Variants in ROBO2 observed in about 807,000 individuals in gnomAD.
ROBO2 encodes roundabout guidance receptor 2, also known as roundabout homolog 2.
Under a neutral mutation model 160.8 loss-of-function variants are expected in ROBO2, and 53 were observed. The ratio of observed to expected loss-of-function variants is 0.33; its 90% CI spans 0.26 to 0.41. The LOEUF (loss-of-function observed/expected upper bound fraction) is 0.41, where lower values mean the gene tolerates loss of function less well. ROBO2 is among the 10% of genes least tolerant of loss of function. The probability of loss-of-function intolerance (pLI) is 1.00; values close to 1 mark genes in which losing one functional copy is unlikely to be tolerated. For synonymous variants in ROBO2, 664 were observed against 611.7 expected, an observed-to-expected ratio of 1.09 and a Z score of -1.26; for missense variants, 1,577 against 1,722.4, an observed-to-expected ratio of 0.92 and a Z score of 1.49.
intron 2 of ROBO2, among the ~76,000 whole-genome samples, chr3:76,890,445 G>C (rs2074259944): frequency 6.6e-6 from 1 of 152,054 alleles, no homozygotes; most frequent in South Asian, 2.1e-4. Context: ...TAGTTTCAAA[G>C]TGGCAATATC....
chr3:76,194,424 T>C lies in ROBO2; in HGVS notation c.109+256822T>C, dbSNP rs377290519. 3.8e-3 allele frequency among the ~76,000 whole-genome samples: 560 copies of C among 145,618 alleles called. 3 individuals are homozygous for C. The highest frequency in any genetic ancestry group is 0.013 in the African/African-American group (529 of 40,098). On this transcript the variant is annotated intron_variant, in intron 2 of 26. Transcript: ENST00000487694. ...AGCTGGACTTGTTCACTGGTAATCT[T>C]TATTTGGATTATATTTTATGAGTGC... is the stretch of plus-strand genomic sequence containing the variant.
intron 2 of ROBO2, among the ~76,000 whole-genome samples, chr3:77,411,348 C>T (rs929011062): frequency 2.6e-5 from 4 of 152,152 alleles, no homozygotes; most frequent in African/African-American, 9.7e-5. Flanking sequence ...ATGCTTGAAG[C>T]CTTCAACCCA....
chr3:77,288,023 G>C (rs571262667), intron 2 of ROBO2, among the ~76,000 whole-genome samples: 6 of 152,144 alleles, frequency 3.9e-5, no homozygotes, highest in Non-Finnish European at 8.8e-5. Context: ...TCAGTGTACA[G>C]TAATTTAGGT....
chr3:76,424,579 A>T (rs1219810235), intron 2 of ROBO2, among the ~76,000 whole-genome samples: 1 of 152,178 alleles, frequency 6.6e-6, no homozygotes, highest in Non-Finnish European at 1.5e-5. Flanking sequence ...ATCTGAAGAG[A>T]TACTTTATAG....
At chr3:76,443,153 TA>T (rs1176267141) in intron 2 of ROBO2, among the ~76,000 whole-genome samples, 2 of 151,962 alleles carry the variant, frequency 1.3e-5, no homozygotes, top group Non-Finnish European at 2.9e-5. Context: ...AGGATCATTT[TA>T]ACATTCAGTT....
rs1050939727 is a variant in ROBO2, at chr3:76,081,837, T to C, written c.109+144235T>C. 1.8e-3 allele frequency among the ~76,000 whole-genome samples: 269 copies of C among 148,072 alleles called. 1 individual carries two copies. Among genetic ancestry groups the C allele is most frequent in the African/African-American group, 6.2e-3 (251 of 40,676 alleles). ...ATACAAAATGGCACATGTAAATACA[T>C]ACACACACACACACACACACACACC... On this transcript the variant is annotated intron_variant, in intron 2 of 26. Coordinates refer to the ROBO2 transcript ENST00000487694.
intron 2 of ROBO2, among the ~76,000 whole-genome samples, chr3:76,500,436 T>C (rs943488777): frequency 1.3e-5 from 2 of 152,088 alleles, no homozygotes; most frequent in Admixed American, 1.3e-4. Flanking sequence ...TAAAGGAAAA[T>C]ATGGAATGTA....
Position 76,539,787 on chromosome 3 carries a change from A to G in ROBO2, c.110-558227A>G, listed in dbSNP as rs140860910. On this transcript the variant is annotated intron_variant, in intron 2 of 26. Transcript: ENST00000487694. ...AAACTTAACCCACAAAAATTTCCTGACAGAGTGTCAGTAATCAGACCAGTG... is the reference window on the plus strand; with the variant it reads ...AAACTTAACCCACAAAAATTTCCTGGCAGAGTGTCAGTAATCAGACCAGTG... Among the ~76,000 whole-genome samples, 1,402 of 152,304 alleles carry G rather than the reference A, an allele frequency of 9.2e-3. 21 individuals are homozygous for G. The highest frequency in any genetic ancestry group is 0.027 in the African/African-American group (1,136 of 41,558).
At chr3:76,402,070 C>T (rs1038966450) in intron 2 of ROBO2, among the ~76,000 whole-genome samples, 4 of 151,528 alleles carry the variant, frequency 2.6e-5, no homozygotes, top group African/African-American at 9.7e-5. Context: ...AAATGCTGAG[C>T]TGAATATACC....
chr3:76,143,170 G>C (rs1486890748), intron 2 of ROBO2, among the ~76,000 whole-genome samples: 1 of 151,858 alleles, frequency 6.6e-6, no homozygotes, highest in African/African-American at 2.4e-5. Flanking sequence ...GGGACTATAC[G>C]CATGCACCAC....
rs968258441 is a variant in ROBO2, at chr3:75,958,250, A to G, written c.109+20648A>G. 6.6e-5 allele frequency among the ~76,000 whole-genome samples: 10 copies of G among 151,884 alleles called. No homozygotes were observed. The East Asian group carries it at 1.2e-3, about 18-fold the overall frequency. ...ACTCAAGATCTTATTCACACATACA[A>G]TATGCTCAGATAACTTATTTTTATT... On this transcript the variant is annotated intron_variant, in intron 2 of 26. Transcript: ENST00000487694.
At chr3:77,425,739 A>G (rs1259588389) in intron 2 of ROBO2, among the ~76,000 whole-genome samples, 1 of 149,402 alleles carries the variant, frequency 6.7e-6, no homozygotes, top group East Asian at 2.0e-4. Context: ...ATCTCGGCTC[A>G]CTGCATCCTC....
At chr3:76,003,079 G>C (rs1041935186) in intron 2 of ROBO2, among the ~76,000 whole-genome samples, 1 of 152,184 alleles carries the variant, frequency 6.6e-6, no homozygotes, top group African/African-American at 2.4e-5. Context: ...GGGGTTGGTA[G>C]ACCACTGCTG....
intron 2 of ROBO2, among the ~76,000 whole-genome samples, chr3:76,757,855 G>A (rs1174416427): frequency 1.1e-4 from 16 of 151,522 alleles, no homozygotes; most frequent in Non-Finnish European, 1.6e-4. Context: ...GCATCCCTAG[G>A]GGAGTTTTCA....
At chr3:76,540,759 TG>T (rs777545742) in intron 2 of ROBO2, among the ~76,000 whole-genome samples, 17 of 152,052 alleles carry the variant, frequency 1.1e-4, no homozygotes, top group Non-Finnish European at 2.4e-4. Context: ...AAGAAAAGTT[TG>T]TTATTTTTAA....
At chr3:77,645,660 G>A (rs1409521876) in intron 25 of ROBO2, among the ~76,000 whole-genome samples, 2 of 152,134 alleles carry the variant, frequency 1.3e-5, no homozygotes, top group East Asian at 1.9e-4. Context: ...GTGAGATGAT[G>A]AAAAGAGAAA....
At chr3:76,546,484 C>T (rs540052129) in intron 2 of ROBO2, among the ~76,000 whole-genome samples, 3 of 151,886 alleles carry the variant, frequency 2.0e-5, no homozygotes, top group Non-Finnish European at 3.0e-5. Context: ...ATCAACTGAC[C>T]TTACATTAGG....
intron 2 of ROBO2, among the ~76,000 whole-genome samples, chr3:76,967,192 G>A (rs965740460): frequency 1.3e-5 from 2 of 151,358 alleles, no homozygotes; most frequent in African/African-American, 4.9e-5. Flanking sequence ...ACAAGCTGAT[G>A]TTGAGTACTT....
intron 2 of ROBO2, among the ~76,000 whole-genome samples, chr3:76,765,590 A>G (rs1464164738): frequency 6.6e-6 from 1 of 151,624 alleles, no homozygotes; most frequent in East Asian, 2.0e-4. Flanking sequence ...CTCACTGTGG[A>G]GGGAGCCATA....
Sources: gnomAD v4.1 joint callset for allele counts (sites outside exome capture counted in the v4.1 genomes callset) on GRCh38, gnomAD v4.1.1 for gene constraint, MANE v1.5 for transcripts, NCBI Gene and HGNC (gene_info 2026-07-23, HGNC 2026-07-21) for gene names.